ZMIZ1: variants seen among roughly 807,000 people sequenced by gnomAD.
ZMIZ1 encodes zinc finger MIZ domain-containing protein 1.
ZMIZ1 carries 17 observed loss-of-function variants against 113.9 expected under a neutral mutation model. The observed-to-expected ratio is 0.15, with a 90% CI of 0.10 to 0.22. ZMIZ1 has a LOEUF of 0.22. ZMIZ1 is among the 10% of genes least tolerant of loss of function. The pLI is 1.00. For synonymous variants in ZMIZ1, 607 were observed against 603.1 expected, an observed-to-expected ratio of 1.01 and a Z score of -0.09; for missense variants, 1,059 against 1,477.8, an observed-to-expected ratio of 0.72 and a Z score of 4.65.
intron 7 of ZMIZ1, among the ~76,000 whole-genome samples, chr10:79,221,040 A>C (rs901103408): frequency 6.6e-6 from 1 of 152,102 alleles, no homozygotes; most frequent in African/African-American, 2.4e-5. Flanking sequence ...GTATATGTAC[A>C]TGCCTATCTG....
intron 8 of ZMIZ1, among the ~76,000 whole-genome samples, chr10:79,278,372 A>G (rs1378653679): frequency 5.9e-5 from 9 of 151,826 alleles, no homozygotes; most frequent in Non-Finnish European, 1.3e-4. Flanking sequence ...TCCTTAGTGC[A>G]TTTACACAGG....
intron 7 of ZMIZ1, among the ~76,000 whole-genome samples, chr10:79,268,938 G>A (rs1056896017): frequency 6.6e-6 from 1 of 152,172 alleles, no homozygotes; most frequent in African/African-American, 2.4e-5. Flanking sequence ...AGCAGGCAAG[G>A]AGCAAAGGGA....
In ZMIZ1 at chr10:79,313,947, G is replaced by A. The variant is rs1269036935; in HGVS notation, c.*1198G>A. ...CCCTCCCTCTGTCCCTGTGCTCCAAGCTGCCCCCGGCTGCAGCCCAGGCCA... is the reference window on the plus strand; with the variant it reads ...CCCTCCCTCTGTCCCTGTGCTCCAAACTGCCCCCGGCTGCAGCCCAGGCCA... On this transcript the variant is annotated 3_prime_UTR_variant, in exon 25 of 25. Transcript: ENST00000334512. 1 of 423,330 alleles carries A rather than the reference G, an allele frequency of 2.4e-6. No homozygotes were observed. Among genetic ancestry groups the A allele is most frequent in the Non-Finnish European group, 4.8e-6 (1 of 209,536 alleles). 26.2% of individuals were successfully genotyped at this position (423,330 alleles called of 1,614,324 possible). A position where few individuals can be genotyped will look rare whatever the true frequency, so the allele number is the denominator to read the frequency against.
In ZMIZ1 at chr10:79,307,417, A is replaced by G; in HGVS notation, c.2681A>G (p.Gln894Arg). The G allele has an allele frequency of 6.3e-7, 1 of 1,594,052 alleles. No individual in the cohort carries two copies. Among genetic ancestry groups the G allele is most frequent in the Non-Finnish European group, 8.5e-7 (1 of 1,170,090 alleles). Reference sequence around the variant, plus strand: ...CATCCCTTCCTAGGCAACAACTACCAAGGCCATGGCAACTTTGACTTCCCC... The same window carrying G: ...CATCCCTTCCTAGGCAACAACTACCGAGGCCATGGCAACTTTGACTTCCCC... ...NDYSSQGNNY[Q>R]GHGNFDFPHG... The change falls in exon 23 of 25, where the codon CAA (glutamine) becomes CGA (arginine). Residue 894 changes from glutamine (Q) to arginine (R), a missense_variant. Around this residue, in one of 6 missense-constraint regions of ZMIZ1, gnomAD observed 225 missense variants for 276.0 expected, o/e 0.82. Coordinates refer to ENST00000334512, the MANE Select transcript of ZMIZ1 (RefSeq NM_020338.4).
intron 7 of ZMIZ1, among the ~76,000 whole-genome samples, chr10:79,224,062 G>A (rs549785914): frequency 2.8e-4 from 42 of 152,294 alleles, no homozygotes; most frequent in Non-Finnish European, 5.0e-4. Context: ...CCATTAAAAC[G>A]AGGTCTCCAA....
At chr10:79,088,591 T>C (rs1842889186) in intron 1 of ZMIZ1, among the ~76,000 whole-genome samples, 2 of 152,102 alleles carry the variant, frequency 1.3e-5, no homozygotes, top group Admixed American at 6.6e-5. Context: ...CAACCTTCCC[T>C]GGGACTCGGC....
At chr10:79,230,769 G>A (rs1388295051) in intron 7 of ZMIZ1, among the ~76,000 whole-genome samples, 3 of 152,244 alleles carry the variant, frequency 2.0e-5, no homozygotes, top group Non-Finnish European at 2.9e-5. Context: ...GCGCGAGGAT[G>A]TGCAGGTGGC....
intron 1 of ZMIZ1, among the ~76,000 whole-genome samples, chr10:79,097,318 G>C (rs1289687606): frequency 6.6e-6 from 1 of 152,224 alleles, no homozygotes; most frequent in African/African-American, 2.4e-5. Context: ...TGGTCCCCTG[G>C]CTTGGCTGTC....
chr10:79,213,903 G>A (rs1186312012), intron 6 of ZMIZ1, among the ~76,000 whole-genome samples: 5 of 152,124 alleles, frequency 3.3e-5, no homozygotes, highest in African/African-American at 1.2e-4. Context: ...GCACTTTGTT[G>A]CATACAAAGC....
intron 1 of ZMIZ1, among the ~76,000 whole-genome samples, chr10:79,106,268 C>G (rs1466722644): frequency 6.6e-6 from 1 of 152,232 alleles, no homozygotes; most frequent in African/African-American, 2.4e-5. Context: ...GTGGCTGAAC[C>G]CAGCAGAATG....
chr10:79,079,802 G>A (rs1023797216), intron 1 of ZMIZ1, among the ~76,000 whole-genome samples: 7 of 152,236 alleles, frequency 4.6e-5, no homozygotes, highest in East Asian at 1.9e-4. Context: ...GGAAGTCCCC[G>A]CCCAGTCCCT....
intron 16 of ZMIZ1, 90 bp from the exon 17 acceptor site, chr10:79,300,642 G>A (rs1025438030): frequency 1.4e-6 from 2 of 1,470,612 alleles, no homozygotes; most frequent in Non-Finnish European, 1.8e-6. Context: ...GTTGTGGTGT[G>A]TTTAGAGGTG....
At chr10:79,278,648 G>T (rs1852468019) in intron 8 of ZMIZ1, among the ~76,000 whole-genome samples, 1 of 151,532 alleles carries the variant, frequency 6.6e-6, no homozygotes, top group Non-Finnish European at 1.5e-5. Context: ...CTCTTAACGA[G>T]CATGCTGCCT....
At chr10:79,299,620 G>T (rs756011353) in intron 16 of ZMIZ1, among the ~76,000 whole-genome samples, 1 of 152,266 alleles carries the variant, frequency 6.6e-6, no homozygotes, top group Non-Finnish European at 1.5e-5. Context: ...GCAGGGGGCT[G>T]ACCATTGGGC....
intron 4 of ZMIZ1, among the ~76,000 whole-genome samples, chr10:79,165,969 T>C (rs1031606682): frequency 0.054 from 521 of 9,612 alleles, no homozygotes; most frequent in African/African-American, 0.11. Context: ...TGTGTGTGTG[T>C]GTGTGTGTGT....
At chr10:79,137,909 G>A (rs946504224) in intron 2 of ZMIZ1, among the ~76,000 whole-genome samples, 2 of 152,150 alleles carry the variant, frequency 1.3e-5, no homozygotes, top group African/African-American at 2.4e-5. Flanking sequence ...GGCTCTGACA[G>A]GGACATTTAT....
intron 7 of ZMIZ1, among the ~76,000 whole-genome samples, chr10:79,232,651 T>G (rs1484160958): frequency 6.6e-6 from 1 of 152,156 alleles, no homozygotes; most frequent in East Asian, 1.9e-4. Context: ...CATACCTTTA[T>G]GTGAAACCCT....
chr10:79,155,508 A>G (rs531287470), intron 3 of ZMIZ1, among the ~76,000 whole-genome samples: 3 of 152,318 alleles, frequency 2.0e-5, no homozygotes, highest in East Asian at 3.9e-4. Flanking sequence ...TCCAGCACCA[A>G]GGGACTAGGT....
chr10:79,292,853 C>T, intron 11 of ZMIZ1: 1 of 462,820 alleles, frequency 2.2e-6, no homozygotes, highest in South Asian at 1.5e-5. Flanking sequence ...CATAGGAATG[C>T]AGAACAGGAG....
Sources: gnomAD v4.1 joint callset for allele counts (sites outside exome capture counted in the v4.1 genomes callset) on GRCh38, gnomAD v4.1.1 for gene constraint, gnomAD v4.1.1 regional missense constraint, MANE v1.5 for transcripts, NCBI Gene and HGNC (gene_info 2026-07-23, HGNC 2026-07-21) for gene names.